The following HEATR5B variants were observed in gnomAD, a reference collection of about 807,000 sequenced individuals.
HEATR5B encodes HEAT repeat containing 5B, also known as HEAT repeat-containing protein 5B.
HEATR5B carries 156 observed loss-of-function variants against 224.1 expected under a neutral mutation model. The observed-to-expected ratio is 0.70, with a 90% CI of 0.61 to 0.80. HEATR5B has a LOEUF of 0.80. Among genes scored for constraint, HEATR5B ranks in the 30% least tolerant of loss-of-function variants. HEATR5B has a pLI of 0.00. For synonymous variants in HEATR5B, 1,027 were observed against 893.0 expected (o/e 1.15, Z -2.68); for missense variants, 2,323 against 2,535.5 (o/e 0.92, Z 1.80).
rs1671542630 is a variant in HEATR5B, at chr2:37,065,626, A to AT, written c.1333+128dup. ...GCCCAGCCTATCACAATGAATATTA[A>AT]TTTAAGTAAAACCTGATGATCTGAA... On this transcript the variant is annotated intron_variant, in intron 9 of 35. Coordinates refer to ENST00000233099, the MANE Select transcript of HEATR5B (RefSeq NM_019024.3). 2.5e-5 allele frequency: 21 copies of AT among 831,516 alleles called. 1 individual carries two copies. The South Asian group carries it at 3.9e-4, about 15-fold the overall frequency. 51.5% of individuals were successfully genotyped at this position (831,516 alleles called of 1,614,324 possible). A position where few individuals can be genotyped will look rare whatever the true frequency, so the allele number is the denominator to read the frequency against.
At chr2:37,019,370 T>A (rs900074812) in intron 26 of HEATR5B, among the ~76,000 whole-genome samples, 1 of 152,150 alleles carries the variant, frequency 6.6e-6, no homozygotes, top group African/African-American at 2.4e-5. Context: ...ATTACCTAAT[T>A]ATTATTTCAT....
Position 37,070,349 on chromosome 2 carries a change from C to G in HEATR5B, c.808G>C (p.Val270Leu). 1 of 1,614,044 alleles carries G rather than the reference C, an allele frequency of 6.2e-7. No individual in the cohort carries two copies. Among genetic ancestry groups the G allele is most frequent in the Non-Finnish European group, 8.5e-7 (1 of 1,179,936 alleles). Residue 270 changes from valine (V) to leucine (L), a missense_variant, in exon 7 of 36, where the codon GTC becomes CTC. Physicochemically the swap from Val to Leu is conservative, Grantham distance 32. Around this residue, in one of 12 missense-constraint regions of HEATR5B, gnomAD observed 292 missense variants for 332.6 expected, o/e 0.88. Transcript: ENST00000233099. ...AATCCTGTGGCCATGAGTTCTAAGA[C>G]TTCATCAAATGTTGCTCGCTTCACA... Reference protein sequence around the residue: ...QNVKRATFDEVLELMATGFLR... With the variant: ...QNVKRATFDELLELMATGFLR...
At chr2:37,057,510 A>G (rs370201705) in intron 14 of HEATR5B, 30 bp from the exon 15 acceptor site, 49 of 1,516,018 alleles carry the variant, frequency 3.2e-5, no homozygotes, top group Admixed American at 4.4e-5. Context: ...ATCAGATTAA[A>G]AAGAATAATT....
chr2:37,000,532 T>C (rs1667020075), intron 33 of HEATR5B, 54 bp downstream of exon 33: 22 of 1,384,436 alleles, frequency 1.6e-5, no homozygotes, highest in Non-Finnish European at 2.3e-5. Flanking sequence ...ACTAATTCAT[T>C]ACTTAGGGAA....
intron 24 of HEATR5B, among the ~76,000 whole-genome samples, chr2:37,024,417 G>C (rs912985953): frequency 6.6e-6 from 1 of 152,138 alleles, no homozygotes; most frequent in Non-Finnish European, 1.5e-5. Context: ...ATGATAACTA[G>C]GTGAGGTAAT....
At chr2:36,991,419 G>A (rs892810085) in intron 33 of HEATR5B, among the ~76,000 whole-genome samples, 19 of 151,338 alleles carry the variant, frequency 1.3e-4, no homozygotes, top group South Asian at 2.1e-4. Context: ...CGCTTGTACC[G>A]GGGAGGTGGA....
At chr2:36,997,537 T>C (rs1666800978) in intron 33 of HEATR5B, among the ~76,000 whole-genome samples, 1 of 150,478 alleles carries the variant, frequency 6.6e-6, no homozygotes, top group Admixed American at 6.6e-5. Flanking sequence ...GTGACATCTT[T>C]CCTTGACTTA....
intron 10 of HEATR5B, among the ~76,000 whole-genome samples, chr2:37,064,038 T>A (rs1671442149): frequency 6.6e-6 from 1 of 152,174 alleles, no homozygotes; most frequent in Admixed American, 6.5e-5. Context: ...GGTGTCAAAC[T>A]CCTGATCTCA....
chr2:37,003,543 T>C lies in HEATR5B; in HGVS notation c.5049A>G (p.Leu1683=). The change falls in exon 31 of 36, where the codon CTA becomes CTG. Residue 1683 remains leucine, a splice_region_variant and synonymous_variant. Coordinates refer to ENST00000233099, the MANE Select transcript of HEATR5B (RefSeq NM_019024.3). ...GTTAGTGTAATTTCTAGTGCTTACT[T>C]AGAGTGTTTCTTTTCTCTTGCAAAT... The part of the protein sequence containing the change: ...QDYLQEKRNT[L]NEDDMEKEAC... 2 of 1,598,082 alleles carry C rather than the reference T, an allele frequency of 1.3e-6. No individual in the cohort carries two copies.
At chr2:36,984,200 C>CAAAAAAAAAAAAAAAA in intron 35 of HEATR5B, among the ~76,000 whole-genome samples, 35 of 28,876 alleles carry the variant, frequency 1.2e-3, no homozygotes, top group Non-Finnish European at 1.7e-3. Context: ...AACTCTGTCT[C>CAAAAAAAAAAAAAAAA]AAAAAAAAAA....
Position 37,057,413 on chromosome 2 carries a change from T to C in HEATR5B, c.2127A>G (p.Thr709=), listed in dbSNP as rs774321105. The change falls in exon 15 of 36, where the codon ACA becomes ACG. Residue 709 remains threonine, a synonymous_variant. Coordinates refer to ENST00000233099, the MANE Select transcript of HEATR5B (RefSeq NM_019024.3). ...EFTLTDNSAN[T]TTSLLRSLCH... The stretch of plus-strand genomic sequence containing the variant: ...AGAGGGATCTGAGGAGGGAAGTAGT[T>C]GTGTTGGCTGAGTTGTCAGTCAAAG... The C allele has an allele frequency of 6.2e-7, 1 of 1,611,832 alleles. No homozygotes were observed. The highest frequency in any genetic ancestry group is 8.5e-7 in the Non-Finnish European group (1 of 1,178,956).
rs1258818286 is a variant in HEATR5B at position 37,056,534 on chromosome 2, C to T, written c.2305G>A (p.Ala769Thr). ...SIYLRIPAGEAVPGPLPLGVS... is the reference protein window; with the variant it reads ...SIYLRIPAGETVPGPLPLGVS... ...CCGAGAGGGAGGGGACCAGGTACTG[C>T]TTCTCCAGCAGGTATGCGTAAATAA... Residue 769 changes from alanine to threonine, a missense_variant, in exon 16 of 36, where the codon GCA becomes ACA. Ala to Thr is a moderately conservative substitution (Grantham distance 58). Coordinates refer to ENST00000233099, the MANE Select transcript of HEATR5B (RefSeq NM_019024.3). The T allele has an allele frequency of 1.9e-6, 3 of 1,613,340 alleles. No homozygotes were observed. Among genetic ancestry groups the T allele is most frequent in the South Asian group, 1.1e-5 (1 of 91,022 alleles).
intron 5 of HEATR5B, among the ~76,000 whole-genome samples, chr2:37,073,332 T>C (rs1331806227): frequency 6.6e-6 from 1 of 152,170 alleles, no homozygotes; most frequent in Non-Finnish European, 1.5e-5. Context: ...ATTAGCAAAC[T>C]AAAAAAGAAA....
chr2:37,079,089 T>C, intron 3 of HEATR5B, 31 bp downstream of exon 3: 1 of 1,375,400 alleles, frequency 7.3e-7, no homozygotes, highest in Non-Finnish European at 1.0e-6. Flanking sequence ...AAAATAAAAC[T>C]TCAAGGGCCC....
intron 3 of HEATR5B, 53 bp from the exon 4 acceptor site, chr2:37,077,072 T>A: frequency 7.2e-7 from 1 of 1,392,094 alleles, no homozygotes; most frequent in Non-Finnish European, 1.0e-6. Context: ...GATACAATTA[T>A]ACTTTTCTCA....
At chr2:37,079,358 A>T in intron 2 of HEATR5B, 27 bp from the exon 3 acceptor site, 1 of 1,373,836 alleles carries the variant, frequency 7.3e-7, no homozygotes, top group Non-Finnish European at 1.0e-6. Flanking sequence ...TTTTAAAAGA[A>T]CATCATTAAA....
intron 21 of HEATR5B, among the ~76,000 whole-genome samples, chr2:37,036,870 T>C (rs1373958282): frequency 6.6e-6 from 1 of 152,026 alleles, no homozygotes; most frequent in Non-Finnish European, 1.5e-5. Flanking sequence ...ATAGGCCTCC[T>C]GCTAACGCTC....
chr2:37,047,035 C>CAA (rs57343074), intron 18 of HEATR5B, among the ~76,000 whole-genome samples: 2,409 of 44,762 alleles, frequency 0.054, 170 homozygotes, highest in Middle Eastern at 0.074. Context: ...GACTCCACCT[C>CAA]AAAAAAAAAA....
chr2:37,018,762 G>A lies in HEATR5B; in HGVS notation c.4104+1047C>T, dbSNP rs1293050784. Among the ~76,000 whole-genome samples the A allele has an allele frequency of 3.3e-5, 5 of 152,168 alleles. No homozygotes were observed. In the South Asian group the frequency reaches 8.3e-4, roughly 25 times the overall value. Reference sequence around the variant, plus strand: ...TTGCTTATCTTCTCTCTTTAGGTAAGGAGACAAATAAACTGATTACCTAAA... The same window carrying A: ...TTGCTTATCTTCTCTCTTTAGGTAAAGAGACAAATAAACTGATTACCTAAA... On this transcript the variant is annotated intron_variant, in intron 26 of 35. Transcript: ENST00000233099.
Sources: allele counts gnomAD v4.1 joint callset (sites outside exome capture counted in the v4.1 genomes callset), GRCh38; gene constraint gnomAD v4.1.1; regional missense constraint gnomAD v4.1.1; transcripts MANE v1.5; gene names NCBI Gene and HGNC (gene_info 2026-07-23, HGNC 2026-07-21).